The following RMND1 variants were observed in gnomAD, a reference collection of about 807,000 sequenced individuals.
RMND1 encodes required for meiotic nuclear division 1 homolog, also known as required for meiotic nuclear division protein 1 homolog.
In RMND1, 41 loss-of-function variants were observed where a neutral mutation model predicts 54.0. The ratio of observed to expected loss-of-function variants is 0.76; its 90% CI spans 0.59 to 0.98. RMND1 has a LOEUF of 0.98. Ranked by LOEUF, RMND1 falls within the 50% of genes least tolerant of loss-of-function variation. RMND1 has a pLI of 0.00. For synonymous variants in RMND1, 183 were observed against 181.7 expected, an observed-to-expected ratio of 1.01 and a Z score of -0.06; for missense variants, 457 against 532.0, an observed-to-expected ratio of 0.86 and a Z score of 1.39.
At chr6:151,413,188 CAG>C (rs1779906339) in intron 10 of RMND1, among the ~76,000 whole-genome samples, 1 of 152,214 alleles carries the variant, frequency 6.6e-6, no homozygotes. Flanking sequence ...AACACAGAAT[CAG>C]AGGACCCAGC....
chr6:151,416,285 TTG>T (rs1008468776), intron 10 of RMND1, among the ~76,000 whole-genome samples: 15 of 152,212 alleles, frequency 9.9e-5, no homozygotes, highest in Non-Finnish European at 2.2e-4. Flanking sequence ...TGGCACAGTT[TTG>T]TGTCTTGATC....
chr6:151,446,304 C>G (rs1440930546), intron 1 of RMND1, among the ~76,000 whole-genome samples: 1 of 151,890 alleles, frequency 6.6e-6, no homozygotes, highest in Non-Finnish European at 1.5e-5. Flanking sequence ...GATGGCAGCT[C>G]ATGCCTGTAG....
intron 1 of RMND1, among the ~76,000 whole-genome samples, chr6:151,450,974 G>A (rs1307042828): frequency 6.6e-6 from 1 of 152,142 alleles, no homozygotes; most frequent in African/African-American, 2.4e-5. Flanking sequence ...GGTGCAAGAT[G>A]TGCTTTGTTA....
intron 10 of RMND1, 72 bp from the exon 11 acceptor site, chr6:151,405,908 CTA>C: frequency 2.7e-6 from 2 of 751,856 alleles, no homozygotes; most frequent in Non-Finnish European, 4.5e-6. Flanking sequence ...AATTCTATAG[CTA>C]TACAGTGAAA....
intron 5 of RMND1, among the ~76,000 whole-genome samples, chr6:151,428,086 C>T (rs1273153376): frequency 2.6e-5 from 4 of 151,936 alleles, no homozygotes; most frequent in South Asian, 2.1e-4. Flanking sequence ...CAATGTCAGC[C>T]GGTGTGACAG....
At chr6:151,446,323 A>C (rs1780952170) in intron 1 of RMND1, among the ~76,000 whole-genome samples, 1 of 151,666 alleles carries the variant, frequency 6.6e-6, no homozygotes. Flanking sequence ...AGTCCCAGCT[A>C]CTCACAGGCT....
At position 151,436,112 on chromosome 6, in the gene RMND1, C is replaced by CAA. The variant is rs67339992; in HGVS notation, c.613+332_613+333dup. ...AAGAGTGAAACTCCATCCCAAAAAACAAAAAAAAAAAAAACACAAAACACA... is the reference window on the plus strand; with the variant it reads ...AAGAGTGAAACTCCATCCCAAAAAACAAAAAAAAAAAAAAAACACAAAACACA... On this transcript the variant is annotated intron_variant, in intron 3 of 11. Transcript: ENST00000444024. The CAA allele has an allele frequency of 9.3e-3, 1,622 of 173,556 alleles. 8 individuals are homozygous for CAA. The highest frequency in any genetic ancestry group is 0.026 in the East Asian group (165 of 6,418). The allele number at this position is 173,556 out of a possible 1,614,324, so 10.8% of individuals were successfully genotyped here.
intron 9 of RMND1, chr6:151,421,000 A>T: frequency 3.1e-6 from 1 of 323,560 alleles, no homozygotes; most frequent in Non-Finnish European, 5.7e-6. Context: ...TGTGCTCCTT[A>T]ATGTGGGTTT....
At chr6:151,432,917 C>T in intron 4 of RMND1, among the ~76,000 whole-genome samples, 1 of 152,176 alleles carries the variant, frequency 6.6e-6, no homozygotes, top group East Asian at 1.9e-4. Flanking sequence ...CAAAGAAAGA[C>T]ACCCCGGGGA....
At chr6:151,433,340 T>C in intron 3 of RMND1, 110 bp from the exon 4 acceptor site, 1 of 610,340 alleles carries the variant, frequency 1.6e-6, no homozygotes, top group Non-Finnish European at 2.8e-6. Context: ...TTATATACCA[T>C]GGAGTGCTCT....
At chr6:151,413,875 A>G (rs1391160927) in intron 10 of RMND1, 4 of 152,110 alleles carry the variant, frequency 2.6e-5, no homozygotes, top group Admixed American at 2.6e-4. Flanking sequence ...CCGAGTGGTG[A>G]TGATCTCTAC....
At position 151,423,507 on chromosome 6, in the gene RMND1, T is replaced by C. The variant is rs1780210586; in HGVS notation, c.937+18A>G. ...ATGACAACTGTAGTACCCTATCCCA[T>C]AAGCAGTAGTAACTTACCAGAAAGG... On this transcript the variant is annotated intron_variant, in intron 7 of 11. Coordinates refer to ENST00000444024, the MANE Select transcript of RMND1 (RefSeq NM_017909.4). 2 of 1,481,184 alleles carry C rather than the reference T, an allele frequency of 1.4e-6. No individual in the cohort carries two copies. Among genetic ancestry groups the C allele is most frequent in the Admixed American group, 1.7e-5 (1 of 59,824 alleles). 91.8% of individuals were successfully genotyped at this position (1,481,184 alleles called of 1,614,324 possible).
intron 1 of RMND1, among the ~76,000 whole-genome samples, chr6:151,450,364 C>G (rs1395331747): frequency 2.8e-5 from 4 of 140,716 alleles, no homozygotes; most frequent in African/African-American, 1.1e-4. Flanking sequence ...AGGTGGGGGT[C>G]AGCCCCCGCC....
rs184410068 is a variant in RMND1, at chr6:151,439,458, T to C, written c.505-2904A>G. On this transcript the variant is annotated intron_variant, in intron 2 of 11. Coordinates refer to ENST00000444024, the MANE Select transcript of RMND1 (RefSeq NM_017909.4). ...GTCCATTATCCCACCCGGATTTACA[T>C]TTGAGAGCTTTATACCAGAGAGCCA... Among the ~76,000 whole-genome samples, 102 of 152,274 alleles carry C rather than the reference T, an allele frequency of 6.7e-4. 1 individual carries two copies. The highest frequency in any genetic ancestry group is 2.4e-3 in the African/African-American group (98 of 41,556).
chr6:151,426,944 A>AT (rs373814285), intron 6 of RMND1, among the ~76,000 whole-genome samples: 13,157 of 151,716 alleles, frequency 0.087, 1,677 homozygotes, highest in African/African-American at 0.28. Flanking sequence ...TAATTTTTGT[A>AT]TTTTTTAGTA....
chr6:151,433,405 A>G (rs1780500693), intron 3 of RMND1, among the ~76,000 whole-genome samples, 175 bp from the exon 4 acceptor site: 1 of 152,192 alleles, frequency 6.6e-6, no homozygotes, highest in Admixed American at 6.5e-5. Context: ...AATATATAAA[A>G]ATGCAAATAC....
In RMND1 at chr6:151,445,590, CT is replaced by C; in HGVS notation, c.221del (p.Lys74SerfsTer10). The C allele has an allele frequency of 6.2e-7, 1 of 1,614,150 alleles. No individual in the cohort carries two copies. Among genetic ancestry groups the C allele is most frequent in the East Asian group, 2.2e-5 (1 of 44,882 alleles). The part of the protein sequence containing the change: ...KSQILEMNQK[K>X]SDTSMLSPLN... ...ATGGAGACAGCATGCTGGTATCTGA[CT>C]TTTTTTGGTTCATTTCCAGGATCTG... On this transcript the variant is annotated frameshift_variant, in exon 2 of 12. Transcript: ENST00000444024. LOFTEE classifies it high-confidence loss of function.
chr6:151,445,761 T>G lies in RMND1; in HGVS notation c.51A>C (p.Ser17=). 6.2e-7 allele frequency: 1 copy of G among 1,613,620 alleles called. No homozygotes were observed. The highest frequency in any genetic ancestry group is 8.5e-7 in the Non-Finnish European group (1 of 1,180,018). ...RAVARSHHIL[S]KAHQCRRIGH... ...CGATTCTTCGGCACTGATGTGCTTT[T>G]GATAATATATGATGAGATCTGGCCA... Residue 17 remains serine (S), a synonymous_variant, in exon 2 of 12, where the codon TCA becomes TCC. Transcript: ENST00000444024.
At chr6:151,433,525 T>A (rs1246523051) in intron 3 of RMND1, among the ~76,000 whole-genome samples, 4 of 152,196 alleles carry the variant, frequency 2.6e-5, no homozygotes, top group Non-Finnish European at 5.9e-5. Flanking sequence ...CTAGTCCAGA[T>A]AATTAATAAA....
Sources: gnomAD v4.1 joint callset for allele counts (sites outside exome capture counted in the v4.1 genomes callset) on GRCh38, gnomAD v4.1.1 for gene constraint, MANE v1.5 for transcripts, NCBI Gene and HGNC (gene_info 2026-07-23, HGNC 2026-07-21) for gene names.